SUPT3H: variants seen among roughly 807,000 people sequenced by gnomAD.
SUPT3H encodes SPT3 homolog, SAGA and STAGA complex component, also known as transcription initiation protein SPT3 homolog.
SUPT3H carries 44 observed loss-of-function variants against 44.3 expected under a neutral mutation model. The observed-to-expected ratio is 0.99, with a 90% CI of 0.78 to 1.28. The LOEUF is 1.28. Among genes scored for constraint, SUPT3H ranks in the 50% most tolerant of loss-of-function variants. The probability of loss-of-function intolerance (pLI) is 0.00; values close to 1 mark genes in which losing one functional copy is unlikely to be tolerated. For synonymous variants in SUPT3H, 124 were observed against 125.6 expected, an observed-to-expected ratio of 0.99 and a Z score of 0.09; for missense variants, 380 against 387.1, an observed-to-expected ratio of 0.98 and a Z score of 0.15.
At chr6:44,860,775 T>C (rs1443366552) in intron 10 of SUPT3H, among the ~76,000 whole-genome samples, 1 of 152,136 alleles carries the variant, frequency 6.6e-6, no homozygotes, top group South Asian at 2.1e-4. Flanking sequence ...AGAAACTATA[T>C]GGACTAGAAA....
intron 5 of SUPT3H, among the ~76,000 whole-genome samples, chr6:45,010,456 T>A (rs1187246799): frequency 6.6e-6 from 1 of 152,140 alleles, no homozygotes; most frequent in Non-Finnish European, 1.5e-5. Context: ...TTAACTATGA[T>A]GTTAGGTGTG....
At chr6:45,057,954 C>G (rs1252315358) in intron 3 of SUPT3H, among the ~76,000 whole-genome samples, 1 of 152,088 alleles carries the variant, frequency 6.6e-6, no homozygotes, top group Non-Finnish European at 1.5e-5. Context: ...GTGACGGTTA[C>G]TACGTGAAAA....
At chr6:45,328,226 G>A (rs1786710574) in intron 2 of SUPT3H, 1 of 1,251,844 alleles carries the variant, frequency 8.0e-7, no homozygotes, top group African/African-American at 1.5e-5. Flanking sequence ...TTACTTAAGA[G>A]TACTGTGAGG....
intron 2 of SUPT3H, among the ~76,000 whole-genome samples, chr6:45,110,414 T>A (rs372860019): frequency 1.3e-5 from 2 of 152,314 alleles, no homozygotes; most frequent in South Asian, 2.1e-4. Flanking sequence ...ACTAACACTT[T>A]TAACATTTTT....
intron 2 of SUPT3H, among the ~76,000 whole-genome samples, chr6:45,312,014 A>C (rs2149992661): frequency 6.6e-6 from 1 of 152,328 alleles, no homozygotes; most frequent in East Asian, 1.9e-4. Flanking sequence ...TAAATGCTCC[A>C]CTTATAACAT....
chr6:45,326,253 A>G (rs1343661349), intron 2 of SUPT3H, among the ~76,000 whole-genome samples: 2 of 151,910 alleles, frequency 1.3e-5, no homozygotes, highest in Admixed American at 6.6e-5. Context: ...GAAAAGAAGA[A>G]AACCATTTGC....
intron 9 of SUPT3H, among the ~76,000 whole-genome samples, chr6:44,938,388 A>G (rs1382598655): frequency 6.6e-6 from 1 of 152,068 alleles, no homozygotes; most frequent in African/African-American, 2.4e-5. Flanking sequence ...GGCTGTAAAT[A>G]CATGGTTTTA....
chr6:45,056,380 T>A (rs1226586987), intron 3 of SUPT3H, among the ~76,000 whole-genome samples: 1 of 152,184 alleles, frequency 6.6e-6, no homozygotes, highest in Non-Finnish European at 1.5e-5. Context: ...TACTTGCATA[T>A]GCATGTTTAT....
chr6:45,273,990 T>C (rs1430647726), intron 2 of SUPT3H, among the ~76,000 whole-genome samples: 7 of 152,238 alleles, frequency 4.6e-5, no homozygotes, highest in South Asian at 2.1e-4. Context: ...TTTTTGATCA[T>C]AGCTATCCTA....
chr6:45,192,939 T>A (rs1424715222), intron 2 of SUPT3H, among the ~76,000 whole-genome samples: 1 of 152,190 alleles, frequency 6.6e-6, no homozygotes, highest in Non-Finnish European at 1.5e-5. Context: ...CTTTTGCTCT[T>A]TGAACCATTT....
intron 6 of SUPT3H, among the ~76,000 whole-genome samples, chr6:44,993,354 A>C (rs181585423): frequency 3.9e-4 from 59 of 152,134 alleles, no homozygotes; most frequent in Admixed American, 9.8e-4. Context: ...AGTAAGCTAC[A>C]GAAAAATAGG....
At chr6:44,881,751 A>T (rs904128678) in intron 10 of SUPT3H, among the ~76,000 whole-genome samples, 1 of 152,232 alleles carries the variant, frequency 6.6e-6, no homozygotes, top group Non-Finnish European at 1.5e-5. Flanking sequence ...CTGCACAGCT[A>T]CATAGAAACT....
At chr6:45,375,763 A>G (rs1796691561) in intron 1 of SUPT3H, among the ~76,000 whole-genome samples, 2 of 152,106 alleles carry the variant, frequency 1.3e-5, no homozygotes, top group African/African-American at 4.8e-5. Context: ...ACCGCTACCT[A>G]TAAAGGTTTT....
intron 10 of SUPT3H, among the ~76,000 whole-genome samples, chr6:44,886,147 T>C (rs558195449): frequency 6.6e-6 from 1 of 152,180 alleles, no homozygotes; most frequent in Non-Finnish European, 1.5e-5. Flanking sequence ...TGATTGGTGT[T>C]CCTGAAAGTG....
chr6:45,121,233 T>A (rs1801613868), intron 2 of SUPT3H, among the ~76,000 whole-genome samples: 1 of 152,140 alleles, frequency 6.6e-6, no homozygotes, highest in Admixed American at 6.5e-5. Context: ...AAATTAGAGC[T>A]TCTCTTATGG....
At chr6:44,960,141 T>TTTA (rs1168730614) in intron 7 of SUPT3H, among the ~76,000 whole-genome samples, 4 of 151,612 alleles carry the variant, frequency 2.6e-5, no homozygotes, top group Non-Finnish European at 5.9e-5. Flanking sequence ...TCTACTATAG[T>TTTA]TTATTATTGA....
chr6:44,862,538 G>A (rs1295201413), intron 10 of SUPT3H, among the ~76,000 whole-genome samples: 2 of 151,924 alleles, frequency 1.3e-5, no homozygotes, highest in East Asian at 1.9e-4. Context: ...TTAGCCGGGC[G>A]TGGTGGCAGG....
intron 6 of SUPT3H, among the ~76,000 whole-genome samples, chr6:44,982,213 TCTCA>T (rs2153490454): frequency 6.6e-6 from 1 of 152,148 alleles, no homozygotes; most frequent in African/African-American, 2.4e-5. Flanking sequence ...TTTGAGACAG[TCTCA>T]CTCTGTCACC....
intron 10 of SUPT3H, among the ~76,000 whole-genome samples, chr6:44,912,373 T>C (rs1165909899): frequency 6.6e-6 from 1 of 152,216 alleles, no homozygotes; most frequent in African/African-American, 2.4e-5. Flanking sequence ...TAGCATAATA[T>C]TTTCAAGGTT....
Sources: allele counts gnomAD v4.1 joint callset (sites outside exome capture counted in the v4.1 genomes callset), GRCh38; gene constraint gnomAD v4.1.1; transcripts MANE v1.5; gene names NCBI Gene and HGNC (gene_info 2026-07-23, HGNC 2026-07-21).